The following DENND1A variants were observed in gnomAD, a reference collection of about 807,000 sequenced individuals.
The protein encoded by DENND1A is DENN domain containing 1A.
DENND1A carries 51 observed loss-of-function variants against 113.7 expected under a neutral mutation model. The observed-to-expected ratio is 0.45, with a 90% CI of 0.36 to 0.57. The LOEUF (loss-of-function observed/expected upper bound fraction) is 0.57, where lower values mean the gene tolerates loss of function less well. Ranked by LOEUF, DENND1A falls within the 20% of genes least tolerant of loss-of-function variation. DENND1A has a pLI of 0.00. For synonymous variants in DENND1A, 565 were observed against 570.8 expected, an observed-to-expected ratio of 0.99 and a Z score of 0.14; for missense variants, 1,258 against 1,395.9, an observed-to-expected ratio of 0.90 and a Z score of 1.57.
At chr9:123,411,046 G>A (rs1275680407) in intron 20 of DENND1A, among the ~76,000 whole-genome samples, 2 of 151,862 alleles carry the variant, frequency 1.3e-5, no homozygotes, top group Non-Finnish European at 2.9e-5. Context: ...CCCAGGTGGT[G>A]GTGGGTTTAT....
intron 11 of DENND1A, among the ~76,000 whole-genome samples, chr9:123,597,020 A>C (rs1468725079): frequency 6.6e-6 from 1 of 152,222 alleles, no homozygotes; most frequent in African/African-American, 2.4e-5. Flanking sequence ...TAAGAGTTTC[A>C]CTGGGAGTGT....
At chr9:123,573,264 G>C (rs1273989826) in intron 12 of DENND1A, among the ~76,000 whole-genome samples, 1 of 151,990 alleles carries the variant, frequency 6.6e-6, no homozygotes, top group Non-Finnish European at 1.5e-5. Flanking sequence ...GGCTATTCTA[G>C]ATCTTTTGCA....
At chr9:123,808,765 G>C (rs903719608) in intron 2 of DENND1A, among the ~76,000 whole-genome samples, 1 of 152,126 alleles carries the variant, frequency 6.6e-6, no homozygotes, top group African/African-American at 2.4e-5. Context: ...CCTTAGAAAA[G>C]GTGAGACATC....
intron 9 of DENND1A, among the ~76,000 whole-genome samples, chr9:123,634,603 G>C (rs539399058): frequency 3.3e-5 from 5 of 152,294 alleles, no homozygotes; most frequent in Admixed American, 6.5e-5. Flanking sequence ...ATGTAATTTG[G>C]AGTGTAGTCA....
At chr9:123,429,680 T>C (rs1182686514) in intron 19 of DENND1A, among the ~76,000 whole-genome samples, 1 of 152,168 alleles carries the variant, frequency 6.6e-6, no homozygotes, top group East Asian at 1.9e-4. Flanking sequence ...TTACACTACA[T>C]ATACAAAAAT....
chr9:123,407,445 C>T (rs1320958964), intron 20 of DENND1A, among the ~76,000 whole-genome samples: 1 of 151,686 alleles, frequency 6.6e-6, no homozygotes, highest in Non-Finnish European at 1.5e-5. Flanking sequence ...GACTCACACA[C>T]TCACACACAC....
At chr9:123,663,240 A>G (rs1473409829) in intron 8 of DENND1A, among the ~76,000 whole-genome samples, 2 of 152,222 alleles carry the variant, frequency 1.3e-5, no homozygotes, top group Non-Finnish European at 2.9e-5. Context: ...TATGAATAGA[A>G]TCATATTTAT....
intron 3 of DENND1A, among the ~76,000 whole-genome samples, chr9:123,780,565 CA>C (rs138043196): frequency 0.038 from 5,764 of 152,188 alleles, 138 homozygotes; most frequent in African/African-American, 0.062. Flanking sequence ...TTGAATTGAT[CA>C]GAGAATCAAA....
intron 21 of DENND1A, among the ~76,000 whole-genome samples, chr9:123,398,590 G>A (rs879447361): frequency 2.0e-5 from 3 of 151,964 alleles, no homozygotes; most frequent in Non-Finnish European, 4.4e-5. Context: ...TGTTAGCCAG[G>A]ATGGTCTTGA....
chr9:123,802,288 C>T (rs1265095501), intron 2 of DENND1A, among the ~76,000 whole-genome samples: 3 of 152,146 alleles, frequency 2.0e-5, no homozygotes, highest in African/African-American at 7.2e-5. Flanking sequence ...GATAGATGGC[C>T]TCTGTTCATT....
At chr9:123,840,642 C>T (rs983721945) in intron 2 of DENND1A, among the ~76,000 whole-genome samples, 3 of 152,190 alleles carry the variant, frequency 2.0e-5, no homozygotes, top group South Asian at 2.1e-4. Context: ...AGCACAGTGC[C>T]GGTACAAAAA....
chr9:123,465,900 T>C (rs2048905652), intron 13 of DENND1A, among the ~76,000 whole-genome samples: 2 of 152,224 alleles, frequency 1.3e-5, no homozygotes, highest in African/African-American at 4.8e-5. Flanking sequence ...TGTACAATTG[T>C]ATTTTATAGC....
intron 5 of DENND1A, among the ~76,000 whole-genome samples, chr9:123,707,426 G>A (rs1372330301): frequency 6.6e-6 from 1 of 151,480 alleles, no homozygotes; most frequent in Non-Finnish European, 1.5e-5. Flanking sequence ...AGAAGCCCAA[G>A]GACTGAGCCC....
chr9:123,779,312 A>G (rs1391087662), intron 3 of DENND1A, among the ~76,000 whole-genome samples: 1 of 152,040 alleles, frequency 6.6e-6, no homozygotes, highest in Non-Finnish European at 1.5e-5. Flanking sequence ...TCACTGCTCT[A>G]TTTCTGGGCC....
intron 5 of DENND1A, among the ~76,000 whole-genome samples, chr9:123,733,688 C>CAA (rs1293824353): frequency 1.4e-5 from 2 of 144,108 alleles, no homozygotes; most frequent in African/African-American, 5.3e-5. Flanking sequence ...TTTTTTGAGA[C>CAA]AGAGTCTTGC....
chr9:123,615,845 G>A (rs2060625908), intron 10 of DENND1A, among the ~76,000 whole-genome samples: 1 of 152,188 alleles, frequency 6.6e-6, no homozygotes, highest in Admixed American at 6.5e-5. Flanking sequence ...TATTTACTGA[G>A]CACACACCAC....
chr9:123,789,222 T>A (rs1436219832), intron 3 of DENND1A, among the ~76,000 whole-genome samples: 1 of 152,144 alleles, frequency 6.6e-6, no homozygotes, highest in African/African-American at 2.4e-5. Flanking sequence ...GATGTCATTG[T>A]GGTCTGAGGG....
At chr9:123,480,819 C>T (rs754861641) in intron 13 of DENND1A, among the ~76,000 whole-genome samples, 2 of 152,282 alleles carry the variant, frequency 1.3e-5, no homozygotes, top group South Asian at 2.1e-4. Context: ...TGAATGAATA[C>T]GCTACACTCT....
At chr9:123,437,430 AC>A (rs1354132001) in intron 19 of DENND1A, among the ~76,000 whole-genome samples, 1 of 152,178 alleles carries the variant, frequency 6.6e-6, no homozygotes, top group Non-Finnish European at 1.5e-5. Flanking sequence ...CTGCACAGGC[AC>A]CGGCTTTGCC....
Sources: allele counts gnomAD v4.1 joint callset (sites outside exome capture counted in the v4.1 genomes callset), GRCh38; gene constraint gnomAD v4.1.1; transcripts MANE v1.5; gene names NCBI Gene and HGNC (gene_info 2026-07-23, HGNC 2026-07-21).